Variants in TENM2 observed in about 807,000 individuals in gnomAD.
TENM2 encodes the protein teneurin transmembrane protein 2.
Under a neutral mutation model 245.2 loss-of-function variants are expected in TENM2, and 52 were observed. That is an observed-to-expected ratio of 0.21 (90% confidence interval 0.17 to 0.27). The LOEUF is 0.27. TENM2 is among the 10% of genes least tolerant of loss of function. The probability of loss-of-function intolerance (pLI) is 1.00; values close to 1 mark genes in which losing one functional copy is unlikely to be tolerated. For missense variants in TENM2, 3,046 were observed against 3,666.8 expected (o/e 0.83, Z 4.37); for synonymous variants, 1,363 against 1,438.9 (o/e 0.95, Z 1.19).
At chr5:167,795,521 G>C (rs1413615981) in intron 2 of TENM2, among the ~76,000 whole-genome samples, 1 of 152,114 alleles carries the variant, frequency 6.6e-6, no homozygotes, top group Non-Finnish European at 1.5e-5. Context: ...GCAAGGGAAT[G>C]ACCAGAGAAG....
chr5:167,451,253 C>T (rs779544261), intron 2 of TENM2, among the ~76,000 whole-genome samples: 19 of 152,098 alleles, frequency 1.2e-4, no homozygotes, highest in Non-Finnish European at 2.1e-4. Flanking sequence ...CACAGGACTC[C>T]GCCATGAGAT....
At position 167,321,785 on chromosome 5, in the gene TENM2, A is replaced by AT. The variant is rs1314778203; in HGVS notation, c.226+36738dup. 4.1e-3 allele frequency among the ~76,000 whole-genome samples: 255 copies of AT among 62,746 alleles called. 22 individuals carry two copies. The highest frequency in any genetic ancestry group is 0.028 in the East Asian group (54 of 1,916). The allele number at this position is 62,746 out of a possible 152,430, so 41.2% of individuals were successfully genotyped here. The stretch of plus-strand genomic sequence containing the variant: ...ATCTGTTGTCTTGCTGCCTTGGCTT[A>AT]TTTTTTTTTTTTTTTTGGGGGGGGG... On this transcript the variant is annotated intron_variant, in intron 1 of 28. Coordinates refer to ENST00000518659, the Ensembl canonical transcript of TENM2.
intron 2 of TENM2, among the ~76,000 whole-genome samples, chr5:167,859,396 C>CT (rs1284216615): frequency 1.7e-4 from 24 of 140,750 alleles, no homozygotes; most frequent in South Asian, 4.6e-4. Flanking sequence ...GTCAGCCCCC[C>CT]GCCCGGCCAG....
intron 2 of TENM2, among the ~76,000 whole-genome samples, chr5:167,545,784 A>T (rs1163218723): frequency 6.6e-6 from 1 of 152,192 alleles, no homozygotes; most frequent in African/African-American, 2.4e-5. Flanking sequence ...AATAATCTTA[A>T]TTATATCTAC....
At chr5:167,722,514 C>T (rs888941280) in intron 2 of TENM2, among the ~76,000 whole-genome samples, 45 of 152,062 alleles carry the variant, frequency 3.0e-4, no homozygotes, top group African/African-American at 1.0e-3. Context: ...TTAGAATTCA[C>T]GGATTCTTGT....
intron 2 of TENM2, among the ~76,000 whole-genome samples, chr5:167,423,418 A>G (rs572197385): frequency 1.3e-5 from 2 of 152,272 alleles, no homozygotes; most frequent in Admixed American, 6.5e-5. Flanking sequence ...ATGCATGGCT[A>G]GATATTCTGT....
chr5:167,645,948 A>T (rs1266059514), intron 2 of TENM2, among the ~76,000 whole-genome samples: 1 of 151,560 alleles, frequency 6.6e-6, no homozygotes, highest in African/African-American at 2.4e-5. Flanking sequence ...CACTTGTGCT[A>T]TTATTTTTCT....
At chr5:167,459,908 AT>A (rs1766176361) in intron 2 of TENM2, among the ~76,000 whole-genome samples, 1 of 119,872 alleles carries the variant, frequency 8.3e-6, no homozygotes, top group African/African-American at 3.2e-5. Flanking sequence ...GTATATAAAG[AT>A]AAACACACAC....
chr5:167,104,376 C>T, the TENM2 span, among the ~76,000 whole-genome samples: 1 of 152,122 alleles, frequency 6.6e-6, no homozygotes, highest in East Asian at 1.9e-4. Flanking sequence ...GCTGAGTGTT[C>T]CTCAGAATAA....
chr5:167,748,452 G>A (rs1201377958), intron 2 of TENM2, among the ~76,000 whole-genome samples: 1 of 151,942 alleles, frequency 6.6e-6, no homozygotes, highest in Non-Finnish European at 1.5e-5. Flanking sequence ...AATCATAGCT[G>A]GCTGCAGCCT....
intron 4 of TENM2, among the ~76,000 whole-genome samples, chr5:167,963,766 A>T (rs1460826140): frequency 6.6e-6 from 1 of 150,928 alleles, no homozygotes; most frequent in Non-Finnish European, 1.5e-5. Flanking sequence ...AGCATGTTAG[A>T]TCTTCTCTGA....
chr5:167,936,441 G>A (rs1301272104), intron 3 of TENM2, among the ~76,000 whole-genome samples: 2 of 152,182 alleles, frequency 1.3e-5, no homozygotes, highest in Non-Finnish European at 2.9e-5. Context: ...GTTTTCCAGT[G>A]TGCTTTTATT....
At chr5:167,725,016 TAGA>T (rs1158190820) in intron 2 of TENM2, among the ~76,000 whole-genome samples, 2 of 152,182 alleles carry the variant, frequency 1.3e-5, no homozygotes, top group African/African-American at 2.4e-5. Flanking sequence ...ATTTTCTAAT[TAGA>T]AGAAGGATTA....
At chr5:167,294,079 A>G (rs114152301) in intron 1 of TENM2, among the ~76,000 whole-genome samples, 126 of 152,290 alleles carry the variant, frequency 8.3e-4, no homozygotes, top group African/African-American at 3.0e-3. Context: ...GAAGATAGAA[A>G]CAATACTTTC....
chr5:167,475,967 G>T (rs1261649169), intron 2 of TENM2, among the ~76,000 whole-genome samples: 2 of 151,984 alleles, frequency 1.3e-5, no homozygotes, highest in African/African-American at 4.8e-5. Flanking sequence ...ACATGTACAT[G>T]CGTCTTTATA....
At chr5:167,197,506 G>A in the TENM2 span, among the ~76,000 whole-genome samples, 2 of 151,982 alleles carry the variant, frequency 1.3e-5, no homozygotes, top group Non-Finnish European at 2.9e-5. Flanking sequence ...TTTTTCCTGG[G>A]GCTGATAGAA....
chr5:167,537,974 A>T (rs1222020584), intron 2 of TENM2, among the ~76,000 whole-genome samples: 3 of 152,220 alleles, frequency 2.0e-5, no homozygotes, highest in Non-Finnish European at 4.4e-5. Context: ...ACCTTAAGGG[A>T]GGAAGGAAAC....
At position 168,000,658 on chromosome 5, in the gene TENM2, A is replaced by G. The variant is rs982335628; in HGVS notation, c.1186+7476A>G. Among the ~76,000 whole-genome samples the G allele has an allele frequency of 7.9e-5, 12 of 152,244 alleles. 1 individual carries two copies. Among genetic ancestry groups the G allele is most frequent in the Admixed American group, 6.5e-4 (10 of 15,282 alleles). ...AAGAGGGAAAGAGGTTGTCAATTAA[A>G]CTATGCCATGATTTCTTAGCATTTG... On this transcript the variant is annotated intron_variant, in intron 5 of 28. Transcript: ENST00000518659.
the TENM2 span, among the ~76,000 whole-genome samples, chr5:166,985,308 A>G: frequency 6.6e-6 from 1 of 152,122 alleles, no homozygotes; most frequent in Non-Finnish European, 1.5e-5. Context: ...TGCCCGAGAA[A>G]AGGGCAGTGT....
Sources: gnomAD v4.1 joint callset for allele counts (sites outside exome capture counted in the v4.1 genomes callset) on GRCh38, gnomAD v4.1.1 for gene constraint, MANE v1.5 for transcripts, NCBI Gene and HGNC (gene_info 2026-07-23, HGNC 2026-07-21) for gene names.